The following EDA variants were observed in gnomAD, a reference collection of about 807,000 sequenced individuals.
EDA encodes the protein ectodysplasin A.
EDA carries 2 observed loss-of-function variants against 23.6 expected under a neutral mutation model. The observed-to-expected ratio is 0.08, with a 90% confidence interval of 0.03 to 0.27. EDA has a LOEUF of 0.27. Among genes scored for constraint, EDA ranks in the 10% least tolerant of loss-of-function variants. EDA has a pLI of 1.00. For synonymous variants in EDA, 131 were observed against 132.0 expected (o/e 0.99, Z 0.05); for missense variants, 229 against 324.2 (o/e 0.71, Z 2.26).
intron 1 of EDA, among the ~76,000 whole-genome samples, chrX:69,908,136 A>G (rs2018206266): frequency 8.9e-6 from 1 of 111,958 alleles, no homozygotes; most frequent in African/African-American, 3.2e-5. Context: ...ATAGACATTC[A>G]TTAAAGAAAA....
At chrX:69,758,082 A>G (rs2014179916) in intron 1 of EDA, among the ~76,000 whole-genome samples, 1 of 112,268 alleles carries the variant, frequency 8.9e-6, no homozygotes, top group Admixed American at 9.4e-5. Context: ...TCCTGGATGA[A>G]GGCCCTGCTA....
intron 1 of EDA, among the ~76,000 whole-genome samples, chrX:69,765,978 A>G (rs1297750693): frequency 8.9e-6 from 1 of 112,139 alleles, no homozygotes; most frequent in African/African-American, 3.2e-5. Context: ...ATCGTACAGC[A>G]TGTGACCTTT....
chrX:69,836,237 G>A (rs193188660), intron 1 of EDA, among the ~76,000 whole-genome samples: 16 of 112,394 alleles, frequency 1.4e-4, no homozygotes, highest in African/African-American at 3.9e-4. Flanking sequence ...GAGCTCAAAC[G>A]TCGTGCTGAG....
intron 1 of EDA, among the ~76,000 whole-genome samples, chrX:69,789,532 A>G (rs1180826243): frequency 8.9e-6 from 1 of 112,008 alleles, no homozygotes; most frequent in Non-Finnish European, 1.9e-5. Context: ...CACGGTCACC[A>G]TTCTGTTAAA....
intron 1 of EDA, among the ~76,000 whole-genome samples, chrX:69,785,738 A>G (rs1225671151): frequency 9.4e-6 from 1 of 106,435 alleles, no homozygotes; most frequent in Non-Finnish European, 2.0e-5. Context: ...CATCAAGGAT[A>G]TTGGTCTAAA....
rs780536708 is a variant in EDA, at chrX:69,744,862, C to T, written c.396+128158C>T. Among the ~76,000 whole-genome samples, 8 of 111,648 alleles carry T rather than the reference C, an allele frequency of 7.2e-5. No homozygotes were observed. The South Asian group carries it at 2.7e-3, about 37-fold the overall frequency. ...AAGTTGAAACTTAATAACTTGCCTA[C>T]GGGCACAGGCTGTTATAGAATTTGG... On this transcript the variant is annotated intron_variant, in intron 1 of 7. Coordinates refer to ENST00000374552, the MANE Select transcript of EDA (RefSeq NM_001399.5).
At chrX:69,830,977 C>T (rs993384661) in intron 1 of EDA, among the ~76,000 whole-genome samples, 1 of 111,621 alleles carries the variant, frequency 9.0e-6, no homozygotes, top group African/African-American at 3.3e-5. Flanking sequence ...ATCCTTATTA[C>T]ACATATTAAC....
intron 1 of EDA, among the ~76,000 whole-genome samples, chrX:69,872,778 A>T (rs1000983487): frequency 9.0e-6 from 1 of 111,216 alleles, no homozygotes; most frequent in African/African-American, 3.3e-5. Flanking sequence ...GAGAAATGAG[A>T]TACACAGCAA....
chrX:69,689,911 TTTA>T (rs1166048760), intron 1 of EDA, among the ~76,000 whole-genome samples: 1 of 112,033 alleles, frequency 8.9e-6, no homozygotes, highest in Non-Finnish European at 1.9e-5. Flanking sequence ...AATGTTTTAT[TTTA>T]TTTTGATGCT....
intron 1 of EDA, among the ~76,000 whole-genome samples, chrX:69,944,196 A>G (rs1311278601): frequency 8.9e-6 from 1 of 112,139 alleles, no homozygotes; most frequent in Non-Finnish European, 1.9e-5. Context: ...CCTAAGCTGT[A>G]AAACAAAGTC....
chrX:69,704,164 A>C (rs2147316506), intron 1 of EDA, among the ~76,000 whole-genome samples: 1 of 112,074 alleles, frequency 8.9e-6, no homozygotes, highest in Non-Finnish European at 1.9e-5. Context: ...ACAAGACATC[A>C]ATCAGTTCAT....
At chrX:70,029,290 T>C (rs903394305) in intron 4 of EDA, among the ~76,000 whole-genome samples, 5 of 111,993 alleles carry the variant, frequency 4.5e-5, no homozygotes, top group African/African-American at 1.6e-4. Context: ...TACTCAGAAG[T>C]TTCCCTGCTG....
rs567955758 is a variant in EDA at position 69,628,799 on chromosome X, T to G, written c.396+12095T>G. ...TCCTACTTTGTGATGTTGATTTATA[T>G]TGTTCATGATGTCTCTTGCATGACT... On this transcript the variant is annotated intron_variant, in intron 1 of 7. Transcript: ENST00000374552. Among the ~76,000 whole-genome samples, 13 of 111,442 alleles carry G rather than the reference T, an allele frequency of 1.2e-4. No homozygotes were observed. In the South Asian group the frequency reaches 4.2e-3, roughly 36 times the overall value.
intron 1 of EDA, among the ~76,000 whole-genome samples, chrX:69,665,818 A>G (rs1344496565): frequency 2.7e-5 from 3 of 111,529 alleles, no homozygotes; most frequent in Non-Finnish European, 5.6e-5. Flanking sequence ...TTTCCATACA[A>G]ATTTTAGGAT....
chrX:69,649,982 TG>T (rs1933050671), intron 1 of EDA, among the ~76,000 whole-genome samples: 2 of 112,018 alleles, frequency 1.8e-5, no homozygotes, highest in Admixed American at 1.9e-4. Context: ...CACATCTTTA[TG>T]GGAAATGTGG....
chrX:69,793,706 C>T (rs1374539382), intron 1 of EDA, among the ~76,000 whole-genome samples: 1 of 107,078 alleles, frequency 9.3e-6, no homozygotes, highest in East Asian at 3.0e-4. Flanking sequence ...CTCTTTATGT[C>T]AGAGCAAAAC....
At chrX:69,981,217 G>T (rs2019401784) in intron 2 of EDA, among the ~76,000 whole-genome samples, 2 of 111,246 alleles carry the variant, frequency 1.8e-5, no homozygotes, top group South Asian at 7.7e-4. Context: ...TAGGACCTTG[G>T]ACATTATTGC....
intron 2 of EDA, among the ~76,000 whole-genome samples, chrX:69,989,336 C>T (rs1256170066): frequency 2.7e-5 from 3 of 111,882 alleles, no homozygotes; most frequent in Non-Finnish European, 5.6e-5. Flanking sequence ...CAGTGCCCCA[C>T]TTTGTTGCCA....
intron 1 of EDA, among the ~76,000 whole-genome samples, chrX:69,856,349 T>C (rs1205014403): frequency 9.3e-6 from 1 of 107,133 alleles, no homozygotes; most frequent in Non-Finnish European, 1.9e-5. Context: ...TTTTTTCATA[T>C]AATGTCTTAT....
Sources: gnomAD v4.1 joint callset for allele counts (sites outside exome capture counted in the v4.1 genomes callset) on GRCh38, gnomAD v4.1.1 for gene constraint, MANE v1.5 for transcripts, NCBI Gene and HGNC (gene_info 2026-07-23, HGNC 2026-07-21) for gene names.